NBDY: variants seen among roughly 807,000 people sequenced by gnomAD.
The protein encoded by NBDY is P-body dissociating protein.
intron 2 of NBDY, among the ~76,000 whole-genome samples, chrX:56,810,139 C>A (rs749340688): frequency 8.9e-6 from 1 of 111,822 alleles, no homozygotes; most frequent in Non-Finnish European, 1.9e-5. Context: ...GTCTGATTGG[C>A]TTCCCTTGTA....
intron 2 of NBDY, among the ~76,000 whole-genome samples, chrX:56,790,611 G>A (rs1370986391): frequency 3.6e-5 from 4 of 112,423 alleles, no homozygotes; most frequent in Non-Finnish European, 7.5e-5. Flanking sequence ...ATCTGACTGC[G>A]TCTTTAGGAG....
rs2069922917 is a variant in NBDY, at chrX:56,818,984, G to GTTGTC, written c.*1831_*1832insTTGTC. ...TACTGGGACAACTTGGTATCTACAT[G>GTTGTC]CAAAAAAAAAACAAAAAAACAAAAA... is the stretch of plus-strand genomic sequence containing the variant. On this transcript the variant is annotated 3_prime_UTR_variant, in exon 3 of 3. Coordinates refer to ENST00000374922, the MANE Select transcript of NBDY (RefSeq NM_001348129.2). 1 of 43,929 alleles carries GTTGTC rather than the reference G, an allele frequency of 2.3e-5. No individual in the cohort carries two copies. Among genetic ancestry groups the GTTGTC allele is most frequent in the Non-Finnish European group, 4.9e-5 (1 of 20,483 alleles). 3.6% of individuals were successfully genotyped at this position (43,929 alleles called of 1,213,427 possible).
chrX:56,806,761 G>A, intron 2 of NBDY, among the ~76,000 whole-genome samples: 1 of 111,726 alleles, frequency 9.0e-6, no homozygotes, highest in South Asian at 3.8e-4. Context: ...CCATTCTGTA[G>A]GTTGCCTTTT....
intron 2 of NBDY, among the ~76,000 whole-genome samples, chrX:56,758,251 G>C (rs5960791): frequency 0.061 from 6,523 of 107,666 alleles, 505 homozygotes; most frequent in African/African-American, 0.21. Flanking sequence ...AGGAGACAGA[G>C]GTTTCAGGGA....
intron 2 of NBDY, among the ~76,000 whole-genome samples, chrX:56,794,312 A>G (rs1180141623): frequency 8.9e-6 from 1 of 112,051 alleles, no homozygotes; most frequent in Non-Finnish European, 1.9e-5. Flanking sequence ...GCTGGATGGC[A>G]CTGCGACTCC....
intron 2 of NBDY, among the ~76,000 whole-genome samples, chrX:56,808,071 G>A (rs1383975811): frequency 8.9e-6 from 1 of 112,407 alleles, no homozygotes; most frequent in African/African-American, 3.2e-5. Context: ...ATTGAGATAA[G>A]TGTGTGGTTT....
intron 2 of NBDY, among the ~76,000 whole-genome samples, chrX:56,792,164 A>T (rs1369724359): frequency 9.0e-6 from 1 of 110,953 alleles, no homozygotes; most frequent in East Asian, 2.8e-4. Context: ...AGGAGCACAG[A>T]TGAAGGTCAT....
chrX:56,767,462 G>A (rs1474230187), intron 2 of NBDY, among the ~76,000 whole-genome samples: 2 of 113,300 alleles, frequency 1.8e-5, no homozygotes, highest in East Asian at 5.7e-4. Flanking sequence ...GGTCGGAGCC[G>A]GCTCCCTCAG....
intron 2 of NBDY, among the ~76,000 whole-genome samples, chrX:56,792,596 G>GAC (rs1163168258): frequency 6.4e-5 from 7 of 109,978 alleles, no homozygotes; most frequent in East Asian, 2.9e-4. Context: ...CGCCCAAGCA[G>GAC]ACACACACAC....
At chrX:56,732,015 G>A (rs1197067310) in intron 1 of NBDY, 48 bp from the exon 2 acceptor site, 4 of 290,305 alleles carry the variant, frequency 1.4e-5, no homozygotes, top group Non-Finnish European at 2.4e-5. Context: ...CAAAGAGATG[G>A]ACAAAAACAG....
intron 2 of NBDY, chrX:56,811,262 C>T (rs2069884878): frequency 8.9e-6 from 1 of 111,917 alleles, no homozygotes; most frequent in African/African-American, 3.3e-5. Flanking sequence ...CAGTCTGTCC[C>T]TTATCAGAGC....
At chrX:56,740,677 T>A (rs1364047638) in intron 2 of NBDY, among the ~76,000 whole-genome samples, 2 of 111,530 alleles carry the variant, frequency 1.8e-5, no homozygotes, top group East Asian at 5.6e-4. Flanking sequence ...TTTTAGGAAC[T>A]CTTTTTATCT....
chrX:56,754,837 TTAGAG>T (rs772257538), intron 2 of NBDY, among the ~76,000 whole-genome samples: 52 of 108,409 alleles, frequency 4.8e-4, no homozygotes, highest in African/African-American at 1.4e-3. Context: ...ATAATAAAGA[TTAGAG>T]TGGAGATAAA....
intron 2 of NBDY, among the ~76,000 whole-genome samples, chrX:56,793,082 T>C (rs2069772809): frequency 9.0e-6 from 1 of 111,537 alleles, no homozygotes; most frequent in South Asian, 3.8e-4. Context: ...CTTGAGTGAG[T>C]TGCTGAGTGT....
intron 2 of NBDY, among the ~76,000 whole-genome samples, chrX:56,784,860 G>A (rs774790528): frequency 8.9e-6 from 1 of 112,365 alleles, no homozygotes; most frequent in Non-Finnish European, 1.9e-5. Flanking sequence ...CGCTTCTTGG[G>A]ATGCGAAGCC....
At chrX:56,791,594 G>A (rs758653441) in intron 2 of NBDY, among the ~76,000 whole-genome samples, 6 of 111,397 alleles carry the variant, frequency 5.4e-5, no homozygotes, top group African/African-American at 1.6e-4. Flanking sequence ...AGATCCCAAC[G>A]AAAAGAAGCT....
chrX:56,729,671 T>C (rs1256216099), intron 1 of NBDY, 82 bp downstream of exon 1: 1 of 291,902 alleles, frequency 3.4e-6, no homozygotes, highest in African/African-American at 2.7e-5. Context: ...CCCTTTTCCC[T>C]GTTCTTTCCA....
chrX:56,737,025 T>C (rs1288111934), intron 2 of NBDY, among the ~76,000 whole-genome samples: 2 of 111,842 alleles, frequency 1.8e-5, no homozygotes, highest in African/African-American at 3.3e-5. Context: ...CTCCAGGAAG[T>C]AGTTAAACAC....
intron 2 of NBDY, among the ~76,000 whole-genome samples, chrX:56,810,553 C>T (rs764620776): frequency 2.0e-4 from 22 of 109,485 alleles, no homozygotes; most frequent in Non-Finnish European, 3.6e-4. Context: ...CTATTGATAC[C>T]TGTGTATGCT....
Sources: allele counts gnomAD v4.1 joint callset (sites outside exome capture counted in the v4.1 genomes callset), GRCh38; gene constraint gnomAD v4.1.1; transcripts MANE v1.5; gene names NCBI Gene and HGNC (gene_info 2026-07-23, HGNC 2026-07-21).